ZFYVE1: variants seen among roughly 807,000 people sequenced by gnomAD.
ZFYVE1 encodes the protein zinc finger FYVE-type containing 1, also known as zinc finger FYVE domain-containing protein 1.
ZFYVE1 carries 30 observed loss-of-function variants against 74.4 expected under a neutral mutation model. The observed-to-expected ratio is 0.40, with a 90% CI of 0.30 to 0.55. The LOEUF (loss-of-function observed/expected upper bound fraction) is 0.55, where lower values mean the gene tolerates loss of function less well. Among genes scored for constraint, ZFYVE1 ranks in the 20% least tolerant of loss-of-function variants. The pLI is 0.42. For missense variants in ZFYVE1, 703 were observed against 1,011.6 expected, an observed-to-expected ratio of 0.69 and a Z score of 4.14; for synonymous variants, 335 against 385.1, an observed-to-expected ratio of 0.87 and a Z score of 1.52.
intron 2 of ZFYVE1, among the ~76,000 whole-genome samples, chr14:73,002,755 T>TTTTG (rs1893898978): frequency 6.6e-6 from 1 of 150,856 alleles, no homozygotes; most frequent in Non-Finnish European, 1.5e-5. Flanking sequence ...TTTTTTTTTT[T>TTTTG]TTCTGAGACA....
chr14:73,012,290 C>T (rs1894107651), intron 2 of ZFYVE1, among the ~76,000 whole-genome samples: 1 of 152,036 alleles, frequency 6.6e-6, no homozygotes, highest in African/African-American at 2.4e-5. Context: ...CAATTACAAA[C>T]TAAACCCATG....
At chr14:72,999,175 TC>T (rs1457076241) in intron 2 of ZFYVE1, among the ~76,000 whole-genome samples, 1 of 151,852 alleles carries the variant, frequency 6.6e-6, no homozygotes, top group Non-Finnish European at 1.5e-5. Flanking sequence ...ACACCTGTAA[TC>T]CCAACACTTT....
Position 72,974,784 on chromosome 14 carries a change from T to C in ZFYVE1, c.1982A>G (p.Gln661Arg). Residue 661 changes from glutamine to arginine, a missense_variant, in exon 10 of 12, where the codon CAG becomes CGG. Gln to Arg is a conservative substitution (Grantham distance 43, BLOSUM62 1). Transcript: ENST00000556143. ...GCTCCCAGGTCCCACGTTACCTAAC[T>C]GGACGTTCCTGGCTTCGTAGCAGTT... ...CDNCYEARNV[Q>R]LAVTEAQVDD... is the part of the protein sequence containing the mutation. The C allele has an allele frequency of 6.3e-7, 1 of 1,597,128 alleles. No individual in the cohort carries two copies. The highest frequency in any genetic ancestry group is 8.6e-7 in the Non-Finnish European group (1 of 1,166,920).
At chr14:73,018,274 T>C (rs1894240767) in intron 2 of ZFYVE1, among the ~76,000 whole-genome samples, 1 of 151,724 alleles carries the variant, frequency 6.6e-6, no homozygotes, top group African/African-American at 2.4e-5. Context: ...CTACTAAAAA[T>C]ACAAAGATTA....
At chr14:73,019,842 T>A (rs1894278734) in intron 2 of ZFYVE1, among the ~76,000 whole-genome samples, 1 of 151,692 alleles carries the variant, frequency 6.6e-6, no homozygotes, top group Admixed American at 6.6e-5. Flanking sequence ...TCACAGCTAC[T>A]CGGGAGGCTG....
intron 2 of ZFYVE1, among the ~76,000 whole-genome samples, chr14:72,999,755 C>T (rs10138468): frequency 0.12 from 18,205 of 152,102 alleles, 2,665 homozygotes; most frequent in African/African-American, 0.35. Context: ...CAGTGTCATC[C>T]GCCTCATTAA....
Position 73,024,102 on chromosome 14 carries a change from T to A in ZFYVE1, c.407A>T (p.Asp136Val). The A allele has an allele frequency of 6.2e-7, 1 of 1,614,198 alleles. No homozygotes were observed. Among genetic ancestry groups the A allele is most frequent in the South Asian group, 1.1e-5 (1 of 91,082 alleles). Reference protein sequence around the residue: ...LQESLEAEEMDEETKRKKMTE... With the variant: ...LQESLEAEEMVEETKRKKMTE... Reference sequence around the variant, plus strand: ...CATCTTCTTCCTCTTGGTCTCCTCATCCATCTCTTCTGCCTCCAGTGACTC... The same window carrying A: ...CATCTTCTTCCTCTTGGTCTCCTCAACCATCTCTTCTGCCTCCAGTGACTC... The change falls in exon 2 of 12, where the codon GAT becomes GTT. Residue 136 changes from aspartate (D) to valine (V), a missense_variant. By Grantham distance (152) the Asp-to-Val change is radical (BLOSUM62 -3). Coordinates refer to ENST00000556143, the MANE Select transcript of ZFYVE1 (RefSeq NM_021260.4).
Position 72,996,524 on chromosome 14 carries a change from G to C in ZFYVE1, c.988+1287C>G, listed in dbSNP as rs936763182. ...TCCTCCTGCCTTGGCCTCCCAAAGTGCTGAGATTACAGGTGTGAGCCACCA... is the reference window on the plus strand; with the variant it reads ...TCCTCCTGCCTTGGCCTCCCAAAGTCCTGAGATTACAGGTGTGAGCCACCA... On this transcript the variant is annotated intron_variant, in intron 3 of 11. Coordinates refer to ENST00000556143, the MANE Select transcript of ZFYVE1 (RefSeq NM_021260.4). 3.3e-5 allele frequency among the ~76,000 whole-genome samples: 5 copies of C among 152,134 alleles called. No homozygotes were observed. The East Asian group carries it at 9.6e-4, about 29-fold the overall frequency.
intron 10 of ZFYVE1, 41 bp from the exon 11 acceptor site, chr14:72,974,234 C>A: frequency 6.3e-7 from 1 of 1,590,666 alleles, no homozygotes; most frequent in South Asian, 1.1e-5. Flanking sequence ...CCTCTAAGTC[C>A]TCTCCCAAAT....
In ZFYVE1 at chr14:72,970,577, G is replaced by C. The variant is rs1156346624; in HGVS notation, c.*305C>G. ...CAGCAGCAGCCTCGATACGCCCCGA[G>C]TGCCTTTCATATGTATATATGAGAG... On this transcript the variant is annotated 3_prime_UTR_variant, in exon 12 of 12. Transcript: ENST00000556143. 5.8e-6 allele frequency: 2 copies of C among 346,854 alleles called. No homozygotes were observed. Among genetic ancestry groups the C allele is most frequent in the Admixed American group, 8.9e-5 (2 of 22,352 alleles). The allele number at this position is 346,854 out of a possible 1,614,324, so 21.5% of individuals were successfully genotyped here. A position where few individuals can be genotyped will look rare whatever the true frequency, so the allele number is the denominator to read the frequency against.
intron 4 of ZFYVE1, among the ~76,000 whole-genome samples, chr14:72,988,162 T>C (rs577136447): frequency 2.0e-5 from 3 of 149,336 alleles, no homozygotes; most frequent in East Asian, 2.0e-4. Flanking sequence ...AAAAATAAGA[T>C]AGGGCTAACA....
chr14:72,970,636 C>G lies in ZFYVE1; in HGVS notation c.*246G>C. On this transcript the variant is annotated 3_prime_UTR_variant, in exon 12 of 12. Coordinates refer to ENST00000556143, the MANE Select transcript of ZFYVE1 (RefSeq NM_021260.4). Reference sequence around the variant, plus strand: ...ACACATATATATTCATTATTTTTAACTGAAATAAATGCAACGGATTCAGGT... The same window carrying G: ...ACACATATATATTCATTATTTTTAAGTGAAATAAATGCAACGGATTCAGGT... The G allele has an allele frequency of 1.8e-6, 1 of 563,280 alleles. No homozygotes were observed. The highest frequency in any genetic ancestry group is 3.2e-6 in the Non-Finnish European group (1 of 314,350). The allele number at this position is 563,280 out of a possible 1,614,324, so 34.9% of individuals were successfully genotyped here. A position where few individuals can be genotyped will look rare whatever the true frequency, so the allele number is the denominator to read the frequency against.
At position 72,986,809 on chromosome 14, in the gene ZFYVE1, C is replaced by T. The variant is rs1429866653; in HGVS notation, c.1204-4914G>A. On this transcript the variant is annotated intron_variant, in intron 4 of 11. Transcript: ENST00000556143. ...CCTGCAAAAATGTTGGGATTACAGG[C>T]GTGAGCCACTGCGCCCGGCCCTGAT... 28 of 897,556 alleles carry T rather than the reference C, an allele frequency of 3.1e-5. No individual in the cohort carries two copies. In the East Asian group the frequency reaches 3.6e-4, roughly 11 times the overall value. 55.6% of individuals were successfully genotyped at this position (897,556 alleles called of 1,614,324 possible).
intron 2 of ZFYVE1, among the ~76,000 whole-genome samples, chr14:73,015,685 G>A (rs186524745): frequency 6.6e-6 from 1 of 152,244 alleles, no homozygotes; most frequent in Admixed American, 6.5e-5. Context: ...CGCCCGGCCT[G>A]CTATTTTCCA....
chr14:73,005,236 G>A (rs1216727985), intron 2 of ZFYVE1, among the ~76,000 whole-genome samples: 1 of 152,124 alleles, frequency 6.6e-6, no homozygotes, highest in Non-Finnish European at 1.5e-5. Flanking sequence ...TTTCAGTCAG[G>A]GAGGGAAAGG....
intron 4 of ZFYVE1, among the ~76,000 whole-genome samples, chr14:72,986,017 A>G (rs996506407): frequency 2.6e-5 from 4 of 152,234 alleles, no homozygotes; most frequent in Non-Finnish European, 5.9e-5. Context: ...ATCTGGCATG[A>G]GTGCAACAGC....
In ZFYVE1 at chr14:72,975,473, C is replaced by A; in HGVS notation, c.1806+78G>T. Reference sequence around the variant, plus strand: ...AAATGTTTGCGTCTCCCTCACAGAACAAGCTTAGCACAGGGCAAAGCGGCA... The same window carrying A: ...AAATGTTTGCGTCTCCCTCACAGAAAAAGCTTAGCACAGGGCAAAGCGGCA... On this transcript the variant is annotated intron_variant, in intron 9 of 11. Coordinates refer to ENST00000556143, the MANE Select transcript of ZFYVE1 (RefSeq NM_021260.4). The surrounding 1 kb of genome is among the most constrained non-coding windows in gnomAD (Gnocchi z 4.1). The A allele has an allele frequency of 1.3e-6, 2 of 1,501,016 alleles. No individual in the cohort carries two copies. The highest frequency in any genetic ancestry group is 1.8e-6 in the Non-Finnish European group (2 of 1,122,068). The allele number at this position is 1,501,016 out of a possible 1,614,324, so 93.0% of individuals were successfully genotyped here.
At chr14:72,973,505 AAACAAAC>A (rs1050187796) in intron 11 of ZFYVE1, among the ~76,000 whole-genome samples, 28 of 151,784 alleles carry the variant, frequency 1.8e-4, no homozygotes, top group African/African-American at 6.3e-4. Flanking sequence ...ACAAACAAAC[AAACAAAC>A]AAAAAAAAAG....
intron 2 of ZFYVE1, among the ~76,000 whole-genome samples, chr14:73,009,984 G>A (rs1894055018): frequency 6.6e-6 from 1 of 152,018 alleles, no homozygotes; most frequent in Non-Finnish European, 1.5e-5. Context: ...GTACATGCCT[G>A]TAGTTCCAGC....
Sources: allele counts gnomAD v4.1 joint callset (sites outside exome capture counted in the v4.1 genomes callset), GRCh38; gene constraint gnomAD v4.1.1; non-coding constraint Gnocchi (gnomAD v3.1); transcripts MANE v1.5; gene names NCBI Gene and HGNC (gene_info 2026-07-23, HGNC 2026-07-21).